The following SATB2 variants were observed in gnomAD, a reference collection of about 807,000 sequenced individuals.
SATB2 encodes the protein SATB homeobox 2, also known as DNA-binding protein SATB2.
In SATB2, 1 loss-of-function variant was observed where a neutral mutation model predicts 73.4. That is an observed-to-expected ratio of 0.01 (90% CI 0.00 to 0.06). The LOEUF is 0.06. SATB2 is among the 10% of genes least tolerant of loss of function. The pLI is 1.00. For missense variants in SATB2, 459 were observed against 945.8 expected (o/e 0.49, Z 6.75); for synonymous variants, 397 against 367.0 (o/e 1.08, Z -0.93).
intron 2 of SATB2, among the ~76,000 whole-genome samples, chr2:199,450,745 G>C (rs1411268934): frequency 6.6e-6 from 1 of 151,912 alleles, no homozygotes; most frequent in East Asian, 1.9e-4. Context: ...TAAAAAGAAA[G>C]AAAAATAGGG....
intron 1 of SATB2, among the ~76,000 whole-genome samples, chr2:199,456,843 A>G (rs1307677405): frequency 6.6e-6 from 1 of 152,024 alleles, no homozygotes; most frequent in East Asian, 1.9e-4. Flanking sequence ...AAGCATTTGA[A>G]TTCTTAGTGC....
rs969815066 is a variant in SATB2, at chr2:199,275,239, A to G, written c.1741-2567T>C. Among the ~76,000 whole-genome samples, 6 of 152,188 alleles carry G rather than the reference A, an allele frequency of 3.9e-5. No homozygotes were observed. In the East Asian group the frequency reaches 9.6e-4, roughly 24 times the overall value. On this transcript the variant is annotated intron_variant, in intron 10 of 10. Transcript: ENST00000417098. ...CAAAACTATACTTTGAAGTTACTAT[A>G]ATCTTTCTGCATGATTGCATTTGTT...
intron 10 of SATB2, among the ~76,000 whole-genome samples, chr2:199,276,155 C>G (rs933301130): frequency 6.6e-6 from 1 of 152,172 alleles, no homozygotes; most frequent in Non-Finnish European, 1.5e-5. Flanking sequence ...GAAAGGAGAG[C>G]AGTACCTAAT....
upstream of SATB2, chr2:199,469,510 AAAAAGAAAAGAAG>A (rs1692662024): frequency 6.6e-6 from 1 of 151,980 alleles, no homozygotes; most frequent in African/African-American, 2.4e-5. Context: ...CCATCAACCA[AAAAAGAAAAGAAG>A]AAAAGAAAAG....
chr2:199,409,167 CTTTTTTTTT>C (rs67330007), intron 3 of SATB2, among the ~76,000 whole-genome samples: 1 of 115,244 alleles, frequency 8.7e-6, no homozygotes, highest in Non-Finnish European at 1.8e-5. Flanking sequence ...TTTTTCTTTT[CTTTTTTTTT>C]TTTTTTTTTT....
chr2:199,462,582 TTG>T (rs1439135428), upstream of SATB2, among the ~76,000 whole-genome samples: 5 of 152,086 alleles, frequency 3.3e-5, no homozygotes, highest in African/African-American at 1.2e-4. The surrounding 1 kb of genome is among the most constrained non-coding windows in gnomAD (Gnocchi z 5.9). Flanking sequence ...GCCTTCCTCG[TTG>T]GCATCAGAGC....
At chr2:199,458,574 C>T (rs1025173979), upstream of SATB2, 1 of 425,094 alleles carries the variant, frequency 2.4e-6, no homozygotes, top group Non-Finnish European at 4.7e-6. Context: ...CTCGCCCAGC[C>T]CCTAGGCGCA....
At chr2:199,282,891 G>A (rs1241551304) in intron 10 of SATB2, among the ~76,000 whole-genome samples, 1 of 152,098 alleles carries the variant, frequency 6.6e-6, no homozygotes, top group Non-Finnish European at 1.5e-5. Context: ...TGCCTCTGAA[G>A]CATATGTTAC....
At chr2:199,375,459 CT>C (rs2105859264) in intron 5 of SATB2, among the ~76,000 whole-genome samples, 1 of 152,346 alleles carries the variant, frequency 6.6e-6, no homozygotes, top group Non-Finnish European at 1.5e-5. Context: ...TAAATCATTA[CT>C]TCCCTGTTTT....
rs546958932 is a variant in SATB2, at chr2:199,430,821, G to A, written c.346+2517C>T. Among the ~76,000 whole-genome samples, 3 of 152,230 alleles carry A rather than the reference G, an allele frequency of 2.0e-5. No individual in the cohort carries two copies. The East Asian group carries it at 5.8e-4, about 29-fold the overall frequency. On this transcript the variant is annotated intron_variant, in intron 3 of 10. Coordinates refer to ENST00000417098, the MANE Select transcript of SATB2 (RefSeq NM_001172509.2). ...TATTCCAAATAATGACATTGCTAAC[G>A]TATCTCCTCCTTTACAGGCAATCTG... is the stretch of plus-strand genomic sequence containing the variant.
chr2:199,290,827 G>A (rs1365903459), intron 10 of SATB2, among the ~76,000 whole-genome samples: 1 of 152,112 alleles, frequency 6.6e-6, no homozygotes, highest in African/African-American at 2.4e-5. Context: ...AGAACTTAAA[G>A]GGCCTGCAGC....
chr2:199,390,578 G>A (rs979608073), intron 3 of SATB2, among the ~76,000 whole-genome samples: 2 of 152,062 alleles, frequency 1.3e-5, no homozygotes, highest in African/African-American at 2.4e-5. Context: ...AGACACAAGC[G>A]AAAGAGTATA....
chr2:199,431,518 A>G (rs937646311), intron 3 of SATB2, among the ~76,000 whole-genome samples: 1 of 152,226 alleles, frequency 6.6e-6, no homozygotes, highest in African/African-American at 2.4e-5. Flanking sequence ...TAAATAGTAG[A>G]ATATTTAGCA....
intron 6 of SATB2, among the ~76,000 whole-genome samples, chr2:199,360,060 T>C (rs2105839240): frequency 6.6e-6 from 1 of 152,364 alleles, no homozygotes; most frequent in South Asian, 2.1e-4. Context: ...AAGCACCTTA[T>C]GAGCTTAAGT....
At position 199,455,991 on chromosome 2, in the gene SATB2, C is replaced by T. The variant is rs1295030903; in HGVS notation, c.47G>A (p.Arg16Gln). 1 of 1,540,526 alleles carries T rather than the reference C, an allele frequency of 6.5e-7. No individual in the cohort carries two copies. Among genetic ancestry groups the T allele is most frequent in the Admixed American group, 1.9e-5 (1 of 51,556 alleles). ...ESPCLRDSPDRRSGSPDVKGP... is the reference protein window; with the variant it reads ...ESPCLRDSPDQRSGSPDVKGP... ...CTTGACGTCCGGGCTGCCGCTCCGC[C>T]GGTCGGGGCTGTCCCGCAGACACGG... is the stretch of plus-strand genomic sequence containing the variant. Residue 16 changes from arginine (R) to glutamine (Q), a missense_variant, in exon 2 of 11, where the codon CGG becomes CAG. Physicochemically the swap from Arg to Gln is conservative, Grantham distance 43 (BLOSUM62 1). This residue lies in a region of SATB2 where 74 missense variants were observed against 113.3 expected (regional missense o/e 0.65). Coordinates refer to ENST00000417098, the MANE Select transcript of SATB2 (RefSeq NM_001172509.2). This position sits in a 1 kb window ranked among gnomAD's most constrained non-coding sequence, Gnocchi z 4.1.
Position 199,328,723 on chromosome 2 carries a change from C to T in SATB2, c.1361G>A (p.Ser454Asn). 1 of 1,613,294 alleles carries T rather than the reference C, an allele frequency of 6.2e-7. No individual in the cohort carries two copies. The highest frequency in any genetic ancestry group is 2.2e-5 in the East Asian group (1 of 44,862). The change falls in exon 8 of 11, where the codon AGT (serine) becomes AAT (asparagine). Residue 454 changes from serine to asparagine, a missense_variant. Coordinates refer to ENST00000417098, the MANE Select transcript of SATB2 (RefSeq NM_001172509.2). ...NVSMVSSASS[S>N]PSSSRTPQAK... ...CTGAGGGGTTCGGGAGGAGCTGGGA[C>T]TGCTGGAGGCCGAGGAGACCATGCT... is the stretch of plus-strand genomic sequence containing the variant.
At chr2:199,287,511 G>A (rs1692724351) in intron 10 of SATB2, among the ~76,000 whole-genome samples, 1 of 151,372 alleles carries the variant, frequency 6.6e-6, no homozygotes, top group Admixed American at 6.6e-5. Flanking sequence ...TAAATCTAGT[G>A]ATGAAAAATA....
At chr2:199,436,300 C>T (rs1405957112) in intron 2 of SATB2, among the ~76,000 whole-genome samples, 2 of 151,942 alleles carry the variant, frequency 1.3e-5, no homozygotes, top group African/African-American at 2.4e-5. Context: ...GTTTTATAAC[C>T]GTCAATTACT....
intron 10 of SATB2, among the ~76,000 whole-genome samples, chr2:199,283,030 A>T (rs1332894101): frequency 6.6e-6 from 1 of 152,156 alleles, no homozygotes; most frequent in East Asian, 1.9e-4. Context: ...GGCCCATGCC[A>T]TCAAAACTAT....
Sources: gnomAD v4.1 joint callset for allele counts (sites outside exome capture counted in the v4.1 genomes callset) on GRCh38, gnomAD v4.1.1 for gene constraint, gnomAD v4.1.1 regional missense constraint, Gnocchi (gnomAD v3.1) non-coding constraint, MANE v1.5 for transcripts, NCBI Gene and HGNC (gene_info 2026-07-23, HGNC 2026-07-21) for gene names.